ZNF639: variants seen among roughly 807,000 people sequenced by gnomAD.
ZNF639 encodes zinc finger protein 639.
ZNF639 carries 20 observed loss-of-function variants against 39.8 expected under a neutral mutation model. The observed-to-expected ratio is 0.50, with a 90% CI of 0.35 to 0.73. The LOEUF is 0.73. ZNF639 is among the 30% of genes least tolerant of loss of function. The pLI, the probability that ZNF639 is intolerant of heterozygous loss-of-function variation, is 0.00. For missense variants in ZNF639, 477 were observed against 566.2 expected, an observed-to-expected ratio of 0.84 and a Z score of 1.60; for synonymous variants, 176 against 189.8, an observed-to-expected ratio of 0.93 and a Z score of 0.60.
intron 4 of ZNF639, among the ~76,000 whole-genome samples, chr3:179,332,615 T>G (rs1436023710): frequency 2.0e-5 from 3 of 152,174 alleles, no homozygotes; most frequent in African/African-American, 7.2e-5. Flanking sequence ...TGAGCAAAAC[T>G]TGGTCCCTCG....
At position 179,333,096 on chromosome 3, in the gene ZNF639, A is replaced by G; in HGVS notation, c.277A>G (p.Ile93Val). 1 of 1,603,504 alleles carries G rather than the reference A, an allele frequency of 6.2e-7. No homozygotes were observed. The highest frequency in any genetic ancestry group is 8.5e-7 in the Non-Finnish European group (1 of 1,174,666). The change falls in exon 5 of 6, where the codon ATT (isoleucine) becomes GTT (valine). Residue 93 changes from isoleucine to valine, a missense_variant. Transcript: ENST00000496856. ...CCTGGTTCCCAGTCCTGTACTTAGA[A>G]TTCTAGACCACACTGCCTTTTCTAC... ...NYLVPSPVLRILDHTAFSTEK... is the reference protein window; with the variant it reads ...NYLVPSPVLRVLDHTAFSTEK...
In ZNF639 at chr3:179,336,234, G is replaced by A. The variant is rs981514948; in HGVS notation, c.*1812G>A. On this transcript the variant is annotated 3_prime_UTR_variant, in exon 6 of 6. Transcript: ENST00000496856. Reference sequence around the variant, plus strand: ...GTTTAGGACTTCAACATATGAATTTGGGAGGGAACACAATTGAGTAGCAGA... The same window carrying A: ...GTTTAGGACTTCAACATATGAATTTAGGAGGGAACACAATTGAGTAGCAGA... 1 of 152,160 alleles carries A rather than the reference G, an allele frequency of 6.6e-6. No homozygotes were observed. The highest frequency in any genetic ancestry group is 6.5e-5 in the Admixed American group (1 of 15,280). The allele number at this position is 152,160 out of a possible 1,614,324, so 9.4% of individuals were successfully genotyped here.
rs551398535 is a variant in ZNF639, at chr3:179,332,967, T to G, written c.170-22T>G. 3.9e-6 allele frequency: 6 copies of G among 1,528,282 alleles called. No individual in the cohort carries two copies. In the South Asian group the frequency reaches 6.3e-5, roughly 16 times the overall value. The allele number at this position is 1,528,282 out of a possible 1,614,324, so 94.7% of individuals were successfully genotyped here. On this transcript the variant is annotated intron_variant, in intron 4 of 5. Coordinates refer to ENST00000496856, the MANE Select transcript of ZNF639 (RefSeq NM_001303426.2). Reference sequence around the variant, plus strand: ...CTTTGATTGTATAAATAATAAGTATTCTTCCAAATCCCTTTTTACAGATGA... The same window carrying G: ...CTTTGATTGTATAAATAATAAGTATGCTTCCAAATCCCTTTTTACAGATGA...
At chr3:179,332,875 A>C (rs1727990526) in intron 4 of ZNF639, 114 bp from the exon 5 acceptor site, 9 of 1,356,046 alleles carry the variant, frequency 6.6e-6, no homozygotes, top group Non-Finnish European at 8.7e-6. Context: ...GACTAAATCC[A>C]AGTCCTTAGT....
In ZNF639 at chr3:179,333,960, G is replaced by T; in HGVS notation, c.996G>T (p.Leu332Phe). The T allele has an allele frequency of 6.2e-7, 1 of 1,614,178 alleles. No homozygotes were observed. Among genetic ancestry groups the T allele is most frequent in the Non-Finnish European group, 8.5e-7 (1 of 1,180,032 alleles). ...CEHETNDPEDLHSHVVNEHAC... is the reference protein window; with the variant it reads ...CEHETNDPEDFHSHVVNEHAC... The stretch of plus-strand genomic sequence containing the variant: ...ATGAAACTAATGATCCAGAAGACTT[G>T]CATAGCCATGTGGTAAATGAGCATG... The change falls in exon 6 of 6, where the codon TTG becomes TTT. Residue 332 changes from leucine (L) to phenylalanine (F), a missense_variant. Physicochemically the swap from Leu to Phe is conservative, Grantham distance 22 (BLOSUM62 0). Coordinates refer to ENST00000496856, the MANE Select transcript of ZNF639 (RefSeq NM_001303426.2).
chr3:179,327,928 C>T (rs1280932540), intron 2 of ZNF639: 3 of 161,962 alleles, frequency 1.9e-5, no homozygotes, highest in Non-Finnish European at 1.3e-5. Flanking sequence ...GCCTATAAAA[C>T]TCCTAGTATG....
rs778858704 is a variant in ZNF639, at chr3:179,334,372, G to A, written c.1408G>A (p.Gly470Arg). The change falls in exon 6 of 6, where the codon GGA becomes AGA. Residue 470 changes from glycine to arginine, a missense_variant. By Grantham distance (125) the Gly-to-Arg change is moderately radical. Coordinates refer to ENST00000496856, the MANE Select transcript of ZNF639 (RefSeq NM_001303426.2). ...ATGTAGTGACTGCTTGATGAGGTTT[G>A]GAAATGAAAGGGAATTAATAAGTCA... ...HKCSDCLMRF[G>R]NERELISHLP... 5.0e-6 allele frequency: 8 copies of A among 1,587,236 alleles called. No individual in the cohort carries two copies. The highest frequency in any genetic ancestry group is 1.2e-5 in the South Asian group (1 of 85,974).
Position 179,336,286 on chromosome 3 carries a change from A to G in ZNF639, c.*1864A>G, listed in dbSNP as rs1176686731. Reference sequence around the variant, plus strand: ...TCTGAAACAGCACTATAAAGAAGATAGAATTATATGTATCATTGCCCTCAA... The same window carrying G: ...TCTGAAACAGCACTATAAAGAAGATGGAATTATATGTATCATTGCCCTCAA... On this transcript the variant is annotated 3_prime_UTR_variant, in exon 6 of 6. Transcript: ENST00000496856. The G allele has an allele frequency of 6.6e-6, 1 of 152,094 alleles. No individual in the cohort carries two copies. Among genetic ancestry groups the G allele is most frequent in the African/African-American group, 2.4e-5 (1 of 41,406 alleles). 9.4% of individuals were successfully genotyped at this position (152,094 alleles called of 1,614,324 possible). A position where few individuals can be genotyped will look rare whatever the true frequency, so the allele number is the denominator to read the frequency against.
chr3:179,328,379 G>C, intron 3 of ZNF639, 28 bp downstream of exon 3: 1 of 1,488,276 alleles, frequency 6.7e-7, no homozygotes, highest in Non-Finnish European at 9.1e-7. Context: ...TTAAAGTTGG[G>C]TATGGATTAA....
At position 179,333,849 on chromosome 3, in the gene ZNF639, T is replaced by C. The variant is rs1265542918; in HGVS notation, c.885T>C (p.Asp295=). The change falls in exon 6 of 6, where the codon GAT becomes GAC. Residue 295 remains aspartate (D), a synonymous_variant. Coordinates refer to ENST00000496856, the MANE Select transcript of ZNF639 (RefSeq NM_001303426.2). Reference sequence around the variant, plus strand: ...ACCTCTATTGGTGTGAACAGTGTGATGTACAGTTCTCCTCAAGCAGTGAAC... The same window carrying C: ...ACCTCTATTGGTGTGAACAGTGTGACGTACAGTTCTCCTCAAGCAGTGAAC... ...SDHLYWCEQC[D]VQFSSSSELY... The C allele has an allele frequency of 2.5e-6, 4 of 1,614,182 alleles. No individual in the cohort carries two copies. The South Asian group carries it at 4.4e-5, about 18-fold the overall frequency.
chr3:179,329,705 A>G lies in ZNF639; in HGVS notation c.146A>G (p.Asp49Gly), dbSNP rs760317343. The change falls in exon 4 of 6, where the codon GAT (aspartate) becomes GGT (glycine). Residue 49 changes from aspartate to glycine, a missense_variant. Physicochemically the swap from Asp to Gly is moderately conservative, Grantham distance 94 (BLOSUM62 -1). Transcript: ENST00000496856. ...AGTGTCTGTTCTATGAGACAGCCAG[A>G]TTTAAAATATTTTGACAACAAAGGT... ...CYSVCSMRQP[D>G]LKYFDNKDDD... The G allele has an allele frequency of 5.0e-6, 8 of 1,598,776 alleles. No homozygotes were observed. The highest frequency in any genetic ancestry group is 4.5e-5 in the East Asian group (2 of 44,448).
chr3:179,322,957 T>C, upstream of ZNF639: 1 of 985,070 alleles, frequency 1.0e-6, no homozygotes, highest in Non-Finnish European at 1.2e-6. Context: ...AGGCCGCGTG[T>C]GCGGTGCGTT....
chr3:179,338,168 A>G lies in ZNF639; in HGVS notation c.*3746A>G, dbSNP rs1007319484. 3.6e-5 allele frequency: 5 copies of G among 140,474 alleles called. No homozygotes were observed. The highest frequency in any genetic ancestry group is 4.5e-4 in the East Asian group (2 of 4,492). The allele number at this position is 140,474 out of a possible 1,614,324, so 8.7% of individuals were successfully genotyped here. On this transcript the variant is annotated 3_prime_UTR_variant, in exon 6 of 6. Transcript: ENST00000496856. ...TTTTGTTTTGTTTTACTTCAGAGAC[A>G]GACATTTTCACTGTATACTTGTGAC...
intron 4 of ZNF639, among the ~76,000 whole-genome samples, chr3:179,332,254 A>G (rs1727959016): frequency 6.6e-6 from 1 of 152,176 alleles, no homozygotes; most frequent in Non-Finnish European, 1.5e-5. Flanking sequence ...GATACATGGG[A>G]CCTCTCCATA....
rs922647321 is a variant in ZNF639 at position 179,323,218 on chromosome 3, G to A, written c.-156G>A. On this transcript the variant is annotated 5_prime_UTR_variant, in exon 1 of 6. Coordinates refer to ENST00000496856, the MANE Select transcript of ZNF639 (RefSeq NM_001303426.2). ...CGTGCGTCCGCGGGAAGGACCGCGC[G>A]GCCCCTCCGCCTGCGCTCTCGGCCG... The A allele has an allele frequency of 8.1e-6, 8 of 985,172 alleles. No individual in the cohort carries two copies. Among genetic ancestry groups the A allele is most frequent in the Non-Finnish European group, 9.6e-6 (8 of 829,992 alleles). The allele number at this position is 985,172 out of a possible 1,614,324, so 61.0% of individuals were successfully genotyped here.
At chr3:179,327,132 G>A (rs1334492645) in intron 1 of ZNF639, among the ~76,000 whole-genome samples, 1 of 152,072 alleles carries the variant, frequency 6.6e-6, no homozygotes, top group African/African-American at 2.4e-5. Context: ...AGAGGTTGCA[G>A]TGAGCTGAGA....
rs796654009 is a variant in ZNF639, at chr3:179,337,045, G to A, written c.*2623G>A. 6.6e-5 allele frequency: 10 copies of A among 152,046 alleles called. No individual in the cohort carries two copies. The highest frequency in any genetic ancestry group is 2.4e-4 in the African/African-American group (10 of 41,468). 9.4% of individuals were successfully genotyped at this position (152,046 alleles called of 1,614,324 possible). On this transcript the variant is annotated 3_prime_UTR_variant, in exon 6 of 6. Coordinates refer to ENST00000496856, the MANE Select transcript of ZNF639 (RefSeq NM_001303426.2). ...GGTGGCTGAGATGGGCAGATCACGAGGTCAGGAGATCCAGACCATCCTGGC... is the reference window on the plus strand; with the variant it reads ...GGTGGCTGAGATGGGCAGATCACGAAGTCAGGAGATCCAGACCATCCTGGC...
intron 1 of ZNF639, 76 bp downstream of exon 1, chr3:179,323,367 A>C: frequency 1.0e-6 from 1 of 985,676 alleles, no homozygotes; most frequent in Non-Finnish European, 1.2e-6. Flanking sequence ...CGCATCTTCT[A>C]ACGGGAGAGG....
rs1711610706 is a variant in ZNF639 at position 179,337,975 on chromosome 3, C to G, written c.*3553C>G. 1 of 152,032 alleles carries G rather than the reference C, an allele frequency of 6.6e-6. No individual in the cohort carries two copies. The highest frequency in any genetic ancestry group is 6.6e-5 in the Admixed American group (1 of 15,252). The allele number at this position is 152,032 out of a possible 1,614,324, so 9.4% of individuals were successfully genotyped here. On this transcript the variant is annotated 3_prime_UTR_variant, in exon 6 of 6. Transcript: ENST00000496856. ...AGAGATGGGGTTTCACCATCTTGGC[C>G]AGGCTGGTCTTGAACTCCTGACCTT... is the stretch of plus-strand genomic sequence containing the variant.
Sources: allele counts gnomAD v4.1 joint callset (sites outside exome capture counted in the v4.1 genomes callset), GRCh38; gene constraint gnomAD v4.1.1; transcripts MANE v1.5; gene names NCBI Gene and HGNC (gene_info 2026-07-23, HGNC 2026-07-21).